GATA1: variants seen among roughly 807,000 people sequenced by gnomAD.
The protein encoded by GATA1 is GATA binding protein 1, also known as erythroid transcription factor.
A neutral mutation model predicts 18.9 loss-of-function variants in GATA1; 2 were observed. The observed-to-expected ratio is 0.11, with a 90% CI of 0.04 to 0.33. The LOEUF is 0.33. Among genes scored for constraint, GATA1 ranks in the 10% least tolerant of loss-of-function variants. The probability of loss-of-function intolerance (pLI) is 1.00; values close to 1 mark genes in which losing one functional copy is unlikely to be tolerated. For synonymous variants in GATA1, 152 were observed against 149.1 expected (o/e 1.02, Z -0.14); for missense variants, 272 against 344.7 (o/e 0.79, Z 1.67).
chrX:48,791,300 G>T lies in GATA1; in HGVS notation c.191G>T (p.Arg64Met). The T allele has an allele frequency of 1.7e-6, 2 of 1,204,532 alleles. No homozygotes were observed. Among genetic ancestry groups the T allele is most frequent in the Non-Finnish European group, 1.1e-6 (1 of 892,080 alleles). Reference protein sequence around the residue: ...TAAAAALAYYRDAEAYRHSPV... With the variant: ...TAAAAALAYYMDAEAYRHSPV... Reference sequence around the variant, plus strand: ...GCAGCTGCGGCACTGGCCTACTACAGGGACGCTGAGGCCTACAGACACTCC... The same window carrying T: ...GCAGCTGCGGCACTGGCCTACTACATGGACGCTGAGGCCTACAGACACTCC... Residue 64 changes from arginine to methionine, a missense_variant, in exon 2 of 6, where the codon AGG becomes ATG. By Grantham distance (91) the Arg-to-Met change is moderately conservative. Coordinates refer to ENST00000376670, the MANE Select transcript of GATA1 (RefSeq NM_002049.4).
chrX:48,791,047 G>A (rs896972593), intron 1 of GATA1, 44 bp from the exon 2 acceptor site: 11 of 902,991 alleles, frequency 1.2e-5, no homozygotes, highest in Non-Finnish European at 1.6e-5. Flanking sequence ...AAGGAGGTGG[G>A]GGGGAAGGAT....
At chrX:48,789,887 G>A (rs2062668663) in intron 1 of GATA1, among the ~76,000 whole-genome samples, 1 of 110,280 alleles carries the variant, frequency 9.1e-6, no homozygotes, top group African/African-American at 3.3e-5. Context: ...AAGTTGGGGA[G>A]CAGAGGATGG....
chrX:48,793,632 T>C lies in GATA1; in HGVS notation c.871-161T>C, dbSNP rs782236053. Among the ~76,000 whole-genome samples the C allele has an allele frequency of 8.2e-4, 89 of 108,524 alleles. 1 individual carries two copies. The highest frequency in any genetic ancestry group is 6.9e-4 in the Admixed American group (7 of 10,161). The allele number at this position is 108,524 out of a possible 115,157, so 94.2% of individuals were successfully genotyped here. A position where few individuals can be genotyped will look rare whatever the true frequency, so the allele number is the denominator to read the frequency against. ...GGCAGCTCCTATCAGCCTTGGAGGC[T>C]TTCCTAAGCTCAGGGCCTCACAGCC... On this transcript the variant is annotated intron_variant, in intron 5 of 5. Coordinates refer to ENST00000376670, the MANE Select transcript of GATA1 (RefSeq NM_002049.4).
chrX:48,792,857 C>T (rs2062679010), intron 4 of GATA1, among the ~76,000 whole-genome samples: 1 of 112,043 alleles, frequency 8.9e-6, no homozygotes, highest in Non-Finnish European at 1.9e-5. Flanking sequence ...GTCCCTTCTC[C>T]CAGATGTGCT....
intron 5 of GATA1, 93 bp downstream of exon 5, chrX:48,793,390 C>T: frequency 2.1e-6 from 2 of 941,302 alleles, no homozygotes; most frequent in Non-Finnish European, 3.0e-6. Flanking sequence ...TCTCTCTTCC[C>T]CCACAACCCT....
Position 48,792,473 on chromosome X carries a change from G to A in GATA1, c.744+5G>A, listed in dbSNP as rs376546932. On this transcript the variant is annotated splice_donor_5th_base_variant and intron_variant, in intron 4 of 5. Coordinates refer to ENST00000376670, the MANE Select transcript of GATA1 (RefSeq NM_002049.4). ...ATCCGGCCCAAGAAGCGCCTGGTAA[G>A]ACCACAGACCTGCTTCACCTTATAC... is the stretch of plus-strand genomic sequence containing the variant. 9.9e-5 allele frequency: 120 copies of A among 1,209,760 alleles called. No homozygotes were observed. Among genetic ancestry groups the A allele is most frequent in the Non-Finnish European group, 1.2e-4 (105 of 895,073 alleles).
At chrX:48,790,774 T>G (rs1392023440) in intron 1 of GATA1, among the ~76,000 whole-genome samples, 14 of 80,715 alleles carry the variant, frequency 1.7e-4, no homozygotes, top group South Asian at 1.4e-3. Flanking sequence ...CAGATGAGAG[T>G]GGAGGAAGAG....
chrX:48,789,739 C>CG (rs2062668175), intron 1 of GATA1, among the ~76,000 whole-genome samples: 1 of 110,915 alleles, frequency 9.0e-6, no homozygotes, highest in Non-Finnish European at 1.9e-5. Flanking sequence ...ACTGACCCCC[C>CG]CCCAACCAAG....
intron 4 of GATA1, among the ~76,000 whole-genome samples, chrX:48,792,959 G>A (rs1169955261): frequency 1.8e-5 from 2 of 111,325 alleles, no homozygotes; most frequent in Admixed American, 1.9e-4. Context: ...AACCACCAAT[G>A]TAGTCCCCCA....
At chrX:48,790,478 G>A (rs2062670662) in intron 1 of GATA1, among the ~76,000 whole-genome samples, 1 of 109,472 alleles carries the variant, frequency 9.1e-6, no homozygotes, top group Admixed American at 9.8e-5. Flanking sequence ...TGGGGGAGAG[G>A]GAGATAAGGT....
intron 1 of GATA1, among the ~76,000 whole-genome samples, chrX:48,788,544 G>A (rs1327101326): frequency 1.8e-5 from 2 of 111,524 alleles, no homozygotes; most frequent in African/African-American, 6.5e-5. Context: ...GGCTGAGAAG[G>A]TGTTGGCGGT....
In GATA1 at chrX:48,791,305, G is replaced by A. The variant is rs149753411; in HGVS notation, c.196G>A (p.Ala66Thr). The A allele has an allele frequency of 4.1e-5, 49 of 1,202,647 alleles. No individual in the cohort carries two copies. Among genetic ancestry groups the A allele is most frequent in the Middle Eastern group, 2.5e-4 (1 of 3,950 alleles). ...AAAALAYYRDAEAYRHSPVFQ... is the reference protein window; with the variant it reads ...AAAALAYYRDTEAYRHSPVFQ... ...TGCGGCACTGGCCTACTACAGGGAC[G>A]CTGAGGCCTACAGACACTCCCCAGG... is the stretch of plus-strand genomic sequence containing the variant. Residue 66 changes from alanine (A) to threonine (T), a missense_variant, in exon 2 of 6, where the codon GCT becomes ACT. Physicochemically the swap from Ala to Thr is moderately conservative, Grantham distance 58. Coordinates refer to ENST00000376670, the MANE Select transcript of GATA1 (RefSeq NM_002049.4).
intron 4 of GATA1, 148 bp from the exon 5 acceptor site, chrX:48,793,023 CA>C (rs1557020405): frequency 1.8e-6 from 1 of 564,815 alleles, no homozygotes; most frequent in East Asian, 3.6e-5. Flanking sequence ...GTACTGGCCC[CA>C]TACAGAATCC....
intron 5 of GATA1, 31 bp from the exon 6 acceptor site, chrX:48,793,762 T>G (rs1345643138): frequency 4.1e-6 from 5 of 1,205,579 alleles, no homozygotes; most frequent in African/African-American, 1.8e-5. Context: ...AGGTCTGGAG[T>G]TGGGGACACC....
chrX:48,791,671 G>C (rs1486024862), intron 2 of GATA1, among the ~76,000 whole-genome samples, 173 bp from the exon 3 acceptor site: 2 of 111,908 alleles, frequency 1.8e-5, no homozygotes, highest in Non-Finnish European at 3.8e-5. Context: ...ACTGACCAGT[G>C]GGGGTCAGGA....
chrX:48,789,737 C>A (rs1181997691), intron 1 of GATA1, among the ~76,000 whole-genome samples: 2 of 110,899 alleles, frequency 1.8e-5, no homozygotes, highest in South Asian at 3.8e-4. Context: ...GTACTGACCC[C>A]CCCCCAACCA....
Position 48,792,081 on chromosome X carries a change from C to T in GATA1, c.458C>T (p.Pro153Leu). ...PDLLTLGPALPSSLPVPNSAY... is the reference protein window; with the variant it reads ...PDLLTLGPALLSSLPVPNSAY... Reference sequence around the variant, plus strand: ...CTCCTGACCCTGGGACCTGCACTGCCTTCATCACTCCCTGTCCCCAATAGT... The same window carrying T: ...CTCCTGACCCTGGGACCTGCACTGCTTTCATCACTCCCTGTCCCCAATAGT... The change falls in exon 3 of 6, where the codon CCT (proline) becomes CTT (leucine). Residue 153 changes from proline (P) to leucine (L), a missense_variant. Pro to Leu is a moderately conservative substitution (Grantham distance 98, BLOSUM62 -3). Transcript: ENST00000376670. The T allele has an allele frequency of 8.2e-7, 1 of 1,212,153 alleles. No homozygotes were observed. Among genetic ancestry groups the T allele is most frequent in the African/African-American group, 1.7e-5 (1 of 57,901 alleles).
At chrX:48,791,535 C>A in intron 2 of GATA1, among the ~76,000 whole-genome samples, 1 of 112,162 alleles carries the variant, frequency 8.9e-6, no homozygotes, top group Admixed American at 9.4e-5. Flanking sequence ...GGCGGCCACA[C>A]TGAGAGGCAA....
At chrX:48,789,415 A>G (rs1557019637) in intron 1 of GATA1, among the ~76,000 whole-genome samples, 1 of 111,544 alleles carries the variant, frequency 9.0e-6, no homozygotes, top group African/African-American at 3.2e-5. Context: ...GAGGGAACAG[A>G]GAGTCAGGGG....
Sources: gnomAD v4.1 joint callset for allele counts (sites outside exome capture counted in the v4.1 genomes callset) on GRCh38, gnomAD v4.1.1 for gene constraint, MANE v1.5 for transcripts, NCBI Gene and HGNC (gene_info 2026-07-23, HGNC 2026-07-21) for gene names.